Variants in GLI2 observed in about 807,000 individuals in gnomAD.
The protein encoded by GLI2 is transcription activator GLI2.
GLI2 carries 22 observed loss-of-function variants against 78.9 expected under a neutral mutation model. The ratio of observed to expected loss-of-function variants is 0.28; its 90% confidence interval spans 0.20 to 0.40. GLI2 has a LOEUF of 0.40. GLI2 is among the 10% of genes least tolerant of loss of function. The pLI, the probability that GLI2 is intolerant of heterozygous loss-of-function variation, is 1.00. For synonymous variants in GLI2, 974 were observed against 963.7 expected (o/e 1.01, Z -0.20); for missense variants, 2,097 against 2,213.2 (o/e 0.95, Z 1.05).
chr2:120,844,588 T>C (rs1482468358), intron 2 of GLI2, among the ~76,000 whole-genome samples: 3 of 152,104 alleles, frequency 2.0e-5, no homozygotes, highest in Non-Finnish European at 4.4e-5. Flanking sequence ...GGTTGGACTA[T>C]GGTTTCTCAA....
At chr2:120,913,866 C>T (rs1292609579) in intron 2 of GLI2, among the ~76,000 whole-genome samples, 1 of 152,212 alleles carries the variant, frequency 6.6e-6, no homozygotes, top group Non-Finnish European at 1.5e-5. Context: ...GGGAAACCAT[C>T]ACCAGGGCCT....
chr2:120,985,913 G>C (rs1400467704), intron 12 of GLI2, among the ~76,000 whole-genome samples: 1 of 152,198 alleles, frequency 6.6e-6, no homozygotes, highest in Non-Finnish European at 1.5e-5. Flanking sequence ...AAGTCAGCAG[G>C]CTTCATTCCT....
At chr2:120,836,369 G>GT (rs1686611998) in intron 2 of GLI2, among the ~76,000 whole-genome samples, 2 of 152,172 alleles carry the variant, frequency 1.3e-5, no homozygotes, top group Admixed American at 6.5e-5. Flanking sequence ...ACAAGATTAT[G>GT]TTTTTGAGAT....
intron 2 of GLI2, among the ~76,000 whole-genome samples, chr2:120,880,281 T>G (rs951910507): frequency 2.0e-5 from 3 of 152,232 alleles, no homozygotes; most frequent in Non-Finnish European, 2.9e-5. Flanking sequence ...GAATTTCCAC[T>G]GCACAGCCAT....
At chr2:120,919,729 C>A (rs1679275448) in intron 2 of GLI2, among the ~76,000 whole-genome samples, 1 of 152,272 alleles carries the variant, frequency 6.6e-6, no homozygotes, top group African/African-American at 2.4e-5. Context: ...CCATCCTGGC[C>A]ACAGCCAAGG....
At chr2:120,853,930 G>A (rs1283442244) in intron 2 of GLI2, among the ~76,000 whole-genome samples, 1 of 143,772 alleles carries the variant, frequency 7.0e-6, no homozygotes, top group Non-Finnish European at 1.5e-5. Context: ...CAGCTTGGGG[G>A]TAACAGCCAA....
intron 1 of GLI2, among the ~76,000 whole-genome samples, chr2:120,759,953 A>G (rs1304261235): frequency 6.6e-6 from 1 of 152,260 alleles, no homozygotes; most frequent in Non-Finnish European, 1.5e-5. Context: ...TACAAAATAT[A>G]TATTTTACAC....
chr2:120,872,363 G>A (rs1688508473), intron 2 of GLI2, among the ~76,000 whole-genome samples: 1 of 152,210 alleles, frequency 6.6e-6, no homozygotes, highest in Admixed American at 6.5e-5. Context: ...CCCTGGAATG[G>A]TGCACTCCCC....
intron 1 of GLI2, among the ~76,000 whole-genome samples, chr2:120,786,758 C>T (rs1684008821): frequency 6.6e-6 from 1 of 152,168 alleles, no homozygotes. Context: ...CCTCCTGCAG[C>T]AGACATTAGA....
intron 1 of GLI2, among the ~76,000 whole-genome samples, chr2:120,763,194 T>C (rs1683269227): frequency 1.3e-5 from 2 of 152,184 alleles, no homozygotes; most frequent in South Asian, 4.1e-4. Flanking sequence ...CTCCTCTGGG[T>C]CTGACTCCTA....
rs1049618490 is a variant in GLI2, at chr2:120,800,876, G to A, written c.148+3408G>A. Among the ~76,000 whole-genome samples the A allele has an allele frequency of 7.2e-5, 11 of 152,132 alleles. No homozygotes were observed. Among genetic ancestry groups the A allele is most frequent in the South Asian group, 6.2e-4 (3 of 4,822 alleles). On this transcript the variant is annotated intron_variant, in intron 2 of 13. Coordinates refer to ENST00000361492, the MANE Select transcript of GLI2 (RefSeq NM_001374353.1). The surrounding 1 kb of genome is among the most constrained non-coding windows in gnomAD (Gnocchi z 4.1). ...CATCAGAGAAGGTGTGGGGTGGGTG[G>A]GTCTTATCTGAGGATGTCAGGGGCG...
At chr2:120,837,433 C>T (rs915622089) in intron 2 of GLI2, among the ~76,000 whole-genome samples, 8 of 148,468 alleles carry the variant, frequency 5.4e-5, no homozygotes, top group Non-Finnish European at 1.0e-4. Context: ...CTTGTTTAGA[C>T]ATGTTATAAA....
At chr2:120,943,182 A>C (rs1301745392) in intron 3 of GLI2, among the ~76,000 whole-genome samples, 1 of 152,204 alleles carries the variant, frequency 6.6e-6, no homozygotes, top group Non-Finnish European at 1.5e-5. Flanking sequence ...CTAACACAGA[A>C]GCACCGTAGG....
At chr2:120,889,798 T>C (rs1677592714) in intron 2 of GLI2, among the ~76,000 whole-genome samples, 2 of 152,034 alleles carry the variant, frequency 1.3e-5, no homozygotes, top group African/African-American at 4.8e-5. Flanking sequence ...CACATCAGAA[T>C]GGTTAAAAGA....
chr2:120,827,052 C>T (rs1686101623), intron 2 of GLI2, among the ~76,000 whole-genome samples: 1 of 152,196 alleles, frequency 6.6e-6, no homozygotes, highest in East Asian at 1.9e-4. Flanking sequence ...TCCCCAGCTC[C>T]TAGAACAGGG....
rs1685030872 is a variant in GLI2, at chr2:120,807,796, G to A, written c.148+10328G>A. 2.6e-5 allele frequency among the ~76,000 whole-genome samples: 4 copies of A among 152,148 alleles called. No homozygotes were observed. The South Asian group carries it at 8.3e-4, about 32-fold the overall frequency. ...GTCCTCCCTCTGCTCACAGCCACAC[G>A]TGGACGCTGGTAACTCAGCCAGGCC... On this transcript the variant is annotated intron_variant, in intron 2 of 13. Transcript: ENST00000361492.
intron 1 of GLI2, among the ~76,000 whole-genome samples, chr2:120,747,005 A>C (rs570465643): frequency 1.3e-5 from 2 of 152,240 alleles, no homozygotes; most frequent in East Asian, 3.9e-4. Context: ...TCCTTATACC[A>C]TTGGGCATTT....
Position 120,735,906 on chromosome 2 carries a change from G to A in GLI2, c.-410G>A, listed in dbSNP as rs1463997585. Among the ~76,000 whole-genome samples, 2 of 152,098 alleles carry A rather than the reference G, an allele frequency of 1.3e-5. No individual in the cohort carries two copies. The highest frequency in any genetic ancestry group is 2.9e-5 in the Non-Finnish European group (2 of 67,952). On this transcript the variant is annotated 5_prime_UTR_variant, in exon 1 of 14. Coordinates refer to ENST00000361492, the MANE Select transcript of GLI2 (RefSeq NM_001374353.1). ...AGAAGTGCCGGCGCTTGCCAGCCGA[G>A]GCAGCACGGCTCCGCGGACTTTTTT... is the stretch of plus-strand genomic sequence containing the variant.
chr2:120,912,596 T>C (rs1678879261), intron 2 of GLI2, among the ~76,000 whole-genome samples: 1 of 152,076 alleles, frequency 6.6e-6, no homozygotes, highest in Non-Finnish European at 1.5e-5. Flanking sequence ...CCAACCATCA[T>C]TCAGTTAACT....
Sources: gnomAD v4.1 joint callset for allele counts (sites outside exome capture counted in the v4.1 genomes callset) on GRCh38, gnomAD v4.1.1 for gene constraint, Gnocchi (gnomAD v3.1) non-coding constraint, MANE v1.5 for transcripts, NCBI Gene and HGNC (gene_info 2026-07-23, HGNC 2026-07-21) for gene names.